CHCHD3: variants seen among roughly 807,000 people sequenced by gnomAD.
The protein encoded by CHCHD3 is coiled-coil-helix-coiled-coil-helix domain containing 3, also known as MICOS complex subunit MIC19.
Under a neutral mutation model 38.2 loss-of-function variants are expected in CHCHD3, and 20 were observed. The observed-to-expected ratio is 0.52, with a 90% confidence interval of 0.37 to 0.76. The LOEUF (loss-of-function observed/expected upper bound fraction) is 0.76, where lower values mean the gene tolerates loss of function less well. CHCHD3 is among the 30% of genes least tolerant of loss of function. CHCHD3 has a pLI of 0.00. For missense variants in CHCHD3, 245 were observed against 279.2 expected, an observed-to-expected ratio of 0.88 and a Z score of 0.87; for synonymous variants, 82 against 100.0, an observed-to-expected ratio of 0.82 and a Z score of 1.07.
At chr7:132,944,431 A>G (rs2117275988) in intron 4 of CHCHD3, among the ~76,000 whole-genome samples, 1 of 152,086 alleles carries the variant, frequency 6.6e-6, no homozygotes, top group Admixed American at 6.6e-5. Flanking sequence ...TAAAGAAAAA[A>G]AAAAAAGAAA....
intron 6 of CHCHD3, among the ~76,000 whole-genome samples, chr7:132,825,336 C>T (rs1490175848): frequency 1.3e-5 from 2 of 152,080 alleles, no homozygotes; most frequent in Admixed American, 6.6e-5. Context: ...AAAGAACTCC[C>T]AAGACAGAAA....
chr7:133,010,108 G>A (rs1812820367), intron 3 of CHCHD3, among the ~76,000 whole-genome samples: 2 of 152,198 alleles, frequency 1.3e-5, no homozygotes, highest in Non-Finnish European at 2.9e-5. Context: ...GAACGGGCTT[G>A]GAGTAAAAGA....
intron 3 of CHCHD3, among the ~76,000 whole-genome samples, chr7:132,985,181 C>A (rs1468222546): frequency 3.9e-5 from 3 of 77,914 alleles, no homozygotes; most frequent in Admixed American, 1.3e-4. Context: ...CGGCCAGCCG[C>A]CCCGTCCGGA....
chr7:132,791,550 C>G (rs1430601932), intron 7 of CHCHD3, among the ~76,000 whole-genome samples: 2 of 152,118 alleles, frequency 1.3e-5, no homozygotes, highest in East Asian at 1.9e-4. Flanking sequence ...TTTCAAGAAC[C>G]TTGATTTTTA....
chr7:132,876,197 A>T (rs1201817988), intron 5 of CHCHD3, among the ~76,000 whole-genome samples: 2 of 152,218 alleles, frequency 1.3e-5, no homozygotes, highest in Non-Finnish European at 2.9e-5. Flanking sequence ...AGATGTCAAG[A>T]AGCAAAACAA....
intron 4 of CHCHD3, among the ~76,000 whole-genome samples, chr7:132,948,661 CTA>C (rs1280441325): frequency 2.6e-5 from 4 of 152,104 alleles, no homozygotes; most frequent in African/African-American, 9.7e-5. Flanking sequence ...ACTGAACATA[CTA>C]TATCAATGGC....
At chr7:132,996,077 T>TAA (rs530351613) in intron 3 of CHCHD3, among the ~76,000 whole-genome samples, 2 of 152,132 alleles carry the variant, frequency 1.3e-5, no homozygotes, top group Non-Finnish European at 2.9e-5. Flanking sequence ...AGATTTATGG[T>TAA]AAAAAAACCA....
At chr7:133,060,392 G>A (rs539885289) in intron 2 of CHCHD3, among the ~76,000 whole-genome samples, 62 of 152,294 alleles carry the variant, frequency 4.1e-4, no homozygotes, top group African/African-American at 1.3e-3. Context: ...ACCACGTGAC[G>A]TGTGCTACGA....
chr7:132,909,486 A>G (rs1299459658), intron 4 of CHCHD3, among the ~76,000 whole-genome samples: 2 of 152,142 alleles, frequency 1.3e-5, no homozygotes, highest in Non-Finnish European at 2.9e-5. Flanking sequence ...GCGAGCCTCC[A>G]TCTCAAAAAA....
intron 3 of CHCHD3, among the ~76,000 whole-genome samples, chr7:132,992,933 A>G (rs1812321334): frequency 6.6e-6 from 1 of 152,206 alleles, no homozygotes; most frequent in South Asian, 2.1e-4. Context: ...AAATCCTTGC[A>G]TATCAATGGT....
At chr7:133,013,467 C>A (rs904435256) in intron 3 of CHCHD3, among the ~76,000 whole-genome samples, 2 of 152,198 alleles carry the variant, frequency 1.3e-5, no homozygotes, top group African/African-American at 4.8e-5. Flanking sequence ...TAAATAATCA[C>A]ATGTGCAAAG....
At chr7:133,056,162 T>C (rs1439967465) in intron 2 of CHCHD3, among the ~76,000 whole-genome samples, 1 of 151,734 alleles carries the variant, frequency 6.6e-6, no homozygotes, top group Non-Finnish European at 1.5e-5. Context: ...AAAAAAAATG[T>C]AGGGTTAGAG....
chr7:132,969,185 GT>G (rs1811550434), intron 4 of CHCHD3, among the ~76,000 whole-genome samples: 2 of 148,686 alleles, frequency 1.3e-5, no homozygotes, highest in Non-Finnish European at 3.0e-5. Flanking sequence ...ACAGTATAAG[GT>G]TTTACAAATT....
chr7:132,965,059 A>ATGTG (rs5887603), intron 4 of CHCHD3, among the ~76,000 whole-genome samples: 84,943 of 148,376 alleles, frequency 0.57, 26,485 homozygotes, highest in Non-Finnish European at 0.71. Flanking sequence ...TATGGGTTTT[A>ATGTG]TGTGTGTGTG....
At chr7:133,001,635 C>T (rs1812575591) in intron 3 of CHCHD3, among the ~76,000 whole-genome samples, 1 of 152,024 alleles carries the variant, frequency 6.6e-6, no homozygotes, top group Non-Finnish European at 1.5e-5. Context: ...ATGGCTCCTA[C>T]AAAAGAGAAA....
chr7:132,870,990 T>A (rs1173585717), intron 5 of CHCHD3, among the ~76,000 whole-genome samples: 2 of 152,306 alleles, frequency 1.3e-5, no homozygotes, highest in Admixed American at 6.5e-5. Context: ...GGTTGTTGTA[T>A]CAATATTAGT....
intron 2 of CHCHD3, among the ~76,000 whole-genome samples, chr7:133,060,363 T>G (rs1814468683): frequency 6.6e-6 from 1 of 152,058 alleles, no homozygotes; most frequent in Non-Finnish European, 1.5e-5. Flanking sequence ...GAGAGGGGTG[T>G]GTAACGGGCA....
intron 1 of CHCHD3, among the ~76,000 whole-genome samples, chr7:133,073,755 T>C (rs1814896695): frequency 6.6e-6 from 1 of 152,214 alleles, no homozygotes; most frequent in African/African-American, 2.4e-5. Context: ...AACTCCCTAC[T>C]TCAAATTCTT....
rs530447490 is a variant in CHCHD3 at position 132,893,360 on chromosome 7, T to C, written c.370-7615A>G. On this transcript the variant is annotated intron_variant, in intron 4 of 7. Coordinates refer to ENST00000262570, the MANE Select transcript of CHCHD3 (RefSeq NM_017812.4). ...TTCTCTGATTTGGAATGAGAGCGCT[T>C]ACCCAATGCCAGTACCCCCACTTTA... Among the ~76,000 whole-genome samples the C allele has an allele frequency of 1.6e-3, 247 of 152,304 alleles. 3 individuals are homozygous for C. Among genetic ancestry groups the C allele is most frequent in the African/African-American group, 5.6e-3 (234 of 41,554 alleles).
Sources: gnomAD v4.1 joint callset for allele counts (sites outside exome capture counted in the v4.1 genomes callset) on GRCh38, gnomAD v4.1.1 for gene constraint, MANE v1.5 for transcripts, NCBI Gene and HGNC (gene_info 2026-07-23, HGNC 2026-07-21) for gene names.